Variants in RAP1GAP2 observed in about 807,000 individuals in gnomAD.
RAP1GAP2 encodes RAP1 GTPase activating protein 2.
A neutral mutation model predicts 95.0 loss-of-function variants in RAP1GAP2; 27 were observed. The ratio of observed to expected loss-of-function variants is 0.28; its 90% CI spans 0.21 to 0.39. RAP1GAP2 has a LOEUF of 0.39. Ranked by LOEUF, RAP1GAP2 falls within the 10% of genes least tolerant of loss-of-function variation. RAP1GAP2 has a pLI of 1.00. For missense variants in RAP1GAP2, 771 were observed against 970.0 expected (o/e 0.79, Z 2.72); for synonymous variants, 373 against 380.9 (o/e 0.98, Z 0.24).
At chr17:2,859,128 T>G (rs2151613704) in intron 2 of RAP1GAP2, among the ~76,000 whole-genome samples, 2 of 149,466 alleles carry the variant, frequency 1.3e-5, no homozygotes, top group South Asian at 4.3e-4. Flanking sequence ...TTTTTTTTTT[T>G]GAGACAGAGT....
Position 2,873,559 on chromosome 17 carries a change from A to G in RAP1GAP2, c.81-31725A>G, listed in dbSNP as rs918193721. Among the ~76,000 whole-genome samples, 7 of 146,986 alleles carry G rather than the reference A, an allele frequency of 4.8e-5. No individual in the cohort carries two copies. In the Admixed American group the frequency reaches 4.8e-4, roughly 10 times the overall value. Reference sequence around the variant, plus strand: ...GTGTAAAGATCATTTCACAGGCTGAATAAGTGGACAGATTGGGACAAGGAT... The same window carrying G: ...GTGTAAAGATCATTTCACAGGCTGAGTAAGTGGACAGATTGGGACAAGGAT... On this transcript the variant is annotated intron_variant, in intron 2 of 24. Transcript: ENST00000254695.
chr17:2,803,644 C>T (rs1331303497), intron 2 of RAP1GAP2, among the ~76,000 whole-genome samples: 1 of 152,188 alleles, frequency 6.6e-6, no homozygotes, highest in African/African-American at 2.4e-5. Flanking sequence ...TTTCGGAGGT[C>T]GAGGCACGTG....
chr17:3,017,939 G>GTGTA, intron 17 of RAP1GAP2, 122 bp from the exon 18 acceptor site: 1 of 824,984 alleles, frequency 1.2e-6, no homozygotes, highest in Non-Finnish European at 1.8e-6. Flanking sequence ...GTGTGTGTGT[G>GTGTA]TGTGTGTGTA....
intron 2 of RAP1GAP2, among the ~76,000 whole-genome samples, chr17:2,848,373 G>C (rs76497378): frequency 6.6e-6 from 1 of 152,064 alleles, no homozygotes; most frequent in Non-Finnish European, 1.5e-5. Flanking sequence ...CGTTTATCAC[G>C]GAACGACCCT....
At chr17:2,852,809 G>A (rs2071920444) in intron 2 of RAP1GAP2, among the ~76,000 whole-genome samples, 2 of 152,170 alleles carry the variant, frequency 1.3e-5, no homozygotes, top group South Asian at 4.1e-4. Context: ...GGATGAGGGC[G>A]ATTGTGAGCG....
At chr17:2,934,864 G>A (rs1204837191) in intron 3 of RAP1GAP2, among the ~76,000 whole-genome samples, 1 of 152,208 alleles carries the variant, frequency 6.6e-6, no homozygotes, top group East Asian at 1.9e-4. Flanking sequence ...AAGGTGTGCA[G>A]TTTAGAGGAA....
In RAP1GAP2 at chr17:2,820,892, GT is replaced by G. The variant is rs59814346; in HGVS notation, c.80+20359del. On this transcript the variant is annotated intron_variant, in intron 2 of 24. Coordinates refer to ENST00000254695, the MANE Select transcript of RAP1GAP2 (RefSeq NM_015085.5). ...GCCCGCCACCACGGCCCGGATAATG[GT>G]TTTTTTTTTTTTTTTTGTATTTTTA... 6.8e-3 allele frequency among the ~76,000 whole-genome samples: 704 copies of G among 104,076 alleles called. 11 individuals carry two copies. Among genetic ancestry groups the G allele is most frequent in the African/African-American group, 0.026 (636 of 24,842 alleles). 68.3% of individuals were successfully genotyped at this position (104,076 alleles called of 152,430 possible).
chr17:2,940,833 C>G (rs149148126), intron 3 of RAP1GAP2, among the ~76,000 whole-genome samples: 1,795 of 152,284 alleles, frequency 0.012, 25 homozygotes, highest in African/African-American at 0.038. Flanking sequence ...CCTTTCTTCT[C>G]CCTCCTTGGC....
At chr17:2,784,566 C>G (rs558152304) in intron 1 of RAP1GAP2, among the ~76,000 whole-genome samples, 2 of 152,102 alleles carry the variant, frequency 1.3e-5, no homozygotes, top group Admixed American at 6.5e-5. Context: ...CCACCGCGCC[C>G]GGCCAGCAGT....
intron 2 of RAP1GAP2, among the ~76,000 whole-genome samples, chr17:2,885,928 T>A (rs2151681541): frequency 6.6e-6 from 1 of 152,302 alleles, no homozygotes; most frequent in Admixed American, 6.5e-5. Context: ...CTGGAAATGA[T>A]TCGGCAGGAA....
At chr17:2,940,957 C>T (rs1262116013) in intron 3 of RAP1GAP2, among the ~76,000 whole-genome samples, 1 of 152,198 alleles carries the variant, frequency 6.6e-6, no homozygotes, top group Non-Finnish European at 1.5e-5. Context: ...TCTCAGGCTG[C>T]ACCGCCATGG....
In RAP1GAP2 at chr17:2,964,059, C is replaced by T; in HGVS notation, c.483C>T (p.Phe161=). The change falls in exon 7 of 25, where the codon TTC becomes TTT. Residue 161 remains phenylalanine (F), a synonymous_variant. Transcript: ENST00000254695. The stretch of plus-strand genomic sequence containing the variant: ...AAGCCAGGGCCTACCGGAGGCACTT[C>T]CTGGGGAAGGTGAGGCTGGGGGAGA... ...KGEARAYRRH[F]LGKDHLNFYC... is the part of the protein sequence containing the mutation. 2 of 1,608,986 alleles carry T rather than the reference C, an allele frequency of 1.2e-6. No homozygotes were observed. Among genetic ancestry groups the T allele is most frequent in the Non-Finnish European group, 8.5e-7 (1 of 1,178,332 alleles).
At chr17:2,924,520 T>G (rs1442819904) in intron 3 of RAP1GAP2, among the ~76,000 whole-genome samples, 1 of 149,844 alleles carries the variant, frequency 6.7e-6, no homozygotes, top group Non-Finnish European at 1.5e-5. Context: ...AGGAGGAATT[T>G]GGGAGAAAGG....
rs577801531 is a variant in RAP1GAP2, at chr17:2,869,370, G to A, written c.81-35914G>A. On this transcript the variant is annotated intron_variant, in intron 2 of 24. Coordinates refer to ENST00000254695, the MANE Select transcript of RAP1GAP2 (RefSeq NM_015085.5). ...GGATGATGATAAAGTTCTGGAAATGGACAATGGGGTTAGTTGTACAACGAT... is the reference window on the plus strand; with the variant it reads ...GGATGATGATAAAGTTCTGGAAATGAACAATGGGGTTAGTTGTACAACGAT... 2.6e-5 allele frequency among the ~76,000 whole-genome samples: 4 copies of A among 151,922 alleles called. No homozygotes were observed. In the South Asian group the frequency reaches 8.3e-4, roughly 32 times the overall value.
chr17:2,779,276 A>G (rs1412968876), intron 1 of RAP1GAP2, among the ~76,000 whole-genome samples: 1 of 152,240 alleles, frequency 6.6e-6, no homozygotes, highest in African/African-American at 2.4e-5. Context: ...TTAAGTGTTA[A>G]TAAGGCATTT....
chr17:2,949,823 C>T (rs912313181), intron 3 of RAP1GAP2, among the ~76,000 whole-genome samples: 1 of 152,188 alleles, frequency 6.6e-6, no homozygotes, highest in Non-Finnish European at 1.5e-5. Flanking sequence ...AGACTCACTC[C>T]CTGCCAACTG....
chr17:2,837,869 G>A (rs1295117736), intron 2 of RAP1GAP2, among the ~76,000 whole-genome samples: 1 of 151,860 alleles, frequency 6.6e-6, no homozygotes, highest in Admixed American at 6.6e-5. Flanking sequence ...GCCTCCCAAA[G>A]TGCTGGGATT....
chr17:3,037,580 A>T lies in RAP1GAP2; in HGVS notation c.*4219A>T, dbSNP rs1251150818. On this transcript the variant is annotated 3_prime_UTR_variant, in exon 25 of 25. Transcript: ENST00000254695. Reference sequence around the variant, plus strand: ...GTGAGGAGGTGATTCGTAGATCCCAACTGCCTATGTAATGTAAATAATGTA... The same window carrying T: ...GTGAGGAGGTGATTCGTAGATCCCATCTGCCTATGTAATGTAAATAATGTA... 1.3e-5 allele frequency: 2 copies of T among 152,402 alleles called. No homozygotes were observed. Among genetic ancestry groups the T allele is most frequent in the African/African-American group, 2.4e-5 (1 of 41,406 alleles). The allele number at this position is 152,402 out of a possible 1,614,324, so 9.4% of individuals were successfully genotyped here.
At chr17:2,799,133 G>A (rs2069179275) in intron 1 of RAP1GAP2, among the ~76,000 whole-genome samples, 1 of 152,218 alleles carries the variant, frequency 6.6e-6, no homozygotes, top group African/African-American at 2.4e-5. Context: ...GGCAGCTCTG[G>A]GTTGCACGCG....
Sources: allele counts gnomAD v4.1 joint callset (sites outside exome capture counted in the v4.1 genomes callset), GRCh38; gene constraint gnomAD v4.1.1; transcripts MANE v1.5; gene names NCBI Gene and HGNC (gene_info 2026-07-23, HGNC 2026-07-21).